Variants in SIGIRR observed in about 807,000 individuals in gnomAD.
The protein encoded by SIGIRR is single Ig and TIR domain containing.
In SIGIRR, 41 loss-of-function variants were observed where a neutral mutation model predicts 45.6. That is an observed-to-expected ratio of 0.90 (90% confidence interval 0.70 to 1.17). The LOEUF (loss-of-function observed/expected upper bound fraction) is 1.17. Among genes scored for constraint, SIGIRR ranks in the 50% most tolerant of loss-of-function variants. SIGIRR has a pLI of 0.00. For synonymous variants in SIGIRR, 298 were observed against 239.0 expected (o/e 1.25, Z -2.28); for missense variants, 599 against 539.6 (o/e 1.11, Z -1.09).
chr11:406,536 A>G lies in SIGIRR; in HGVS notation c.882T>C (p.Thr294=). Residue 294 remains threonine (T), a splice_region_variant and synonymous_variant, in exon 9 of 10, where the codon ACT becomes ACC. Coordinates refer to ENST00000431843, the MANE Select transcript of SIGIRR (RefSeq NM_001135054.2). ...CTTCTTTCCAAAAATCGGAGGAAGG[A>G]GTCTGGGGGCCAGGTCGGGGCGGTT... The part of the protein sequence containing the change: ...TLLLWRPGSV[T]PSSDFWKEVQ... 1 of 1,607,888 alleles carries G rather than the reference A, an allele frequency of 6.2e-7. No individual in the cohort carries two copies. Among genetic ancestry groups the G allele is most frequent in the Non-Finnish European group, 8.5e-7 (1 of 1,176,302 alleles).
chr11:406,103 C>T (rs1183413240), intron 9 of SIGIRR, 44 bp from the exon 10 acceptor site: 1 of 1,544,528 alleles, frequency 6.5e-7, no homozygotes, highest in Admixed American at 2.0e-5. Flanking sequence ...CACCCACAGC[C>T]TTGGCCCAGA....
At chr11:414,417 C>T (rs896089125) in intron 1 of SIGIRR, among the ~76,000 whole-genome samples, 6 of 151,452 alleles carry the variant, frequency 4.0e-5, no homozygotes, top group Admixed American at 3.3e-4. Context: ...CCCTCCTCCC[C>T]TGCACACATC....
upstream of SIGIRR, among the ~76,000 whole-genome samples, chr11:416,595 G>A (rs999557502): frequency 1.3e-5 from 2 of 152,096 alleles, no homozygotes; most frequent in Non-Finnish European, 2.9e-5. This position sits in a 1 kb window ranked among gnomAD's most constrained non-coding sequence, Gnocchi z 9.1. Context: ...CCCCTGCCCG[G>A]TGGGTTCGAC....
At position 408,683 on chromosome 11, in the gene SIGIRR, C is replaced by T. The variant is rs923073303; in HGVS notation, c.206+12G>A. The T allele has an allele frequency of 2.7e-5, 43 of 1,612,066 alleles. No individual in the cohort carries two copies. The highest frequency in any genetic ancestry group is 1.7e-4 in the Middle Eastern group (1 of 5,938). ...AGAGGTCACTCTGACCCTGGATACC[C>T]GGGTCTCTTACCAGGAGTACTCGTG... On this transcript the variant is annotated intron_variant, in intron 3 of 9. Coordinates refer to ENST00000431843, the MANE Select transcript of SIGIRR (RefSeq NM_001135054.2).
In SIGIRR at chr11:406,557, C is replaced by A; in HGVS notation, c.880-19G>T. ...AAGGAGTCTGGGGGCCAGGTCGGGG[C>A]GGTTTGCAGGTGTGAACACCTCGGA... On this transcript the variant is annotated intron_variant, in intron 8 of 9. Coordinates refer to ENST00000431843, the MANE Select transcript of SIGIRR (RefSeq NM_001135054.2). The A allele has an allele frequency of 6.3e-7, 1 of 1,598,264 alleles. No individual in the cohort carries two copies. Among genetic ancestry groups the A allele is most frequent in the South Asian group, 1.1e-5 (1 of 89,288 alleles).
intron 2 of SIGIRR, chr11:409,115 G>T: frequency 1.7e-6 from 1 of 589,230 alleles, no homozygotes. Flanking sequence ...AGGGGACAGA[G>T]AGCAGTGGCC....
In SIGIRR at chr11:406,391, C is replaced by A. The variant is rs1847302183; in HGVS notation, c.1027G>T (p.Ala343Ser). ...TCCGGGTCCACCTCTGAGTCCAGGG[C>A]CCGGCCCTCAGGGACTCGGCCTCGA... is the stretch of plus-strand genomic sequence containing the variant. ...ILRGRVPEGR[A>S]LDSEVDPDPE... is the part of the protein sequence containing the mutation. Residue 343 changes from alanine to serine, a missense_variant, in exon 9 of 10, where the codon GCC becomes TCC. Coordinates refer to ENST00000431843, the MANE Select transcript of SIGIRR (RefSeq NM_001135054.2). 1 of 1,612,674 alleles carries A rather than the reference C, an allele frequency of 6.2e-7. No individual in the cohort carries two copies.
In SIGIRR at chr11:407,525, G is replaced by T. The variant is rs201992147; in HGVS notation, c.525C>A (p.Pro175=). ...YDAYVSYSDC[P]EDRKFVNFIL... ...TGAAGTTCACGAACTTGCGGTCCTC[G>T]GGGCAGTCGCTGTAGGAGACGTAGG... Residue 175 remains proline (P), a synonymous_variant, in exon 6 of 10, where the codon CCC becomes CCA. Coordinates refer to ENST00000431843, the MANE Select transcript of SIGIRR (RefSeq NM_001135054.2). The T allele has an allele frequency of 1.2e-6, 2 of 1,608,906 alleles. No individual in the cohort carries two copies. The highest frequency in any genetic ancestry group is 1.3e-5 in the African/African-American group (1 of 74,926).
Position 406,906 on chromosome 11 carries a change from C to G in SIGIRR, c.816G>C (p.Ala272=), listed in dbSNP as rs1847337313. 1 of 1,590,538 alleles carries G rather than the reference C, an allele frequency of 6.3e-7. No individual in the cohort carries two copies. Among genetic ancestry groups the G allele is most frequent in the Non-Finnish European group, 8.5e-7 (1 of 1,173,776 alleles). The change falls in exon 8 of 10, where the codon GCG becomes GCC. Residue 272 remains alanine, a synonymous_variant. Transcript: ENST00000431843. ...GGCGGTGCTGGCGCAGCAGGCGGAG[C>G]GCCGGGTGCGCGGGGTCGCGCCTCT... ...EGQRRDPAHP[A]LRLLRQHRHL...
Position 407,177 on chromosome 11 carries a change from G to C in SIGIRR, c.626-13C>G. ...TCGGCGGAGGGCTCTGCGGGAGGGC[G>C]GGCGTCGGCGGCGCAGGGGCGGGGG... is the stretch of plus-strand genomic sequence containing the variant. On this transcript the variant is annotated splice_polypyrimidine_tract_variant and intron_variant, in intron 6 of 9. Transcript: ENST00000431843. The C allele has an allele frequency of 2.1e-6, 3 of 1,396,566 alleles. No individual in the cohort carries two copies. The highest frequency in any genetic ancestry group is 3.0e-5 in the East Asian group (1 of 33,332). The allele number at this position is 1,396,566 out of a possible 1,614,324, so 86.5% of individuals were successfully genotyped here. A position where few individuals can be genotyped will look rare whatever the true frequency, so the allele number is the denominator to read the frequency against.
chr11:408,546 C>A, intron 3 of SIGIRR, 149 bp downstream of exon 3: 1 of 955,504 alleles, frequency 1.0e-6, no homozygotes, highest in South Asian at 1.4e-5. Context: ...CTGTCCCTGA[C>A]ATTACTGACC....
chr11:407,551 C>G lies in SIGIRR; in HGVS notation c.499G>C (p.Ala167Pro). 1 of 1,608,316 alleles carries G rather than the reference C, an allele frequency of 6.2e-7. No homozygotes were observed. Among genetic ancestry groups the G allele is most frequent in the Non-Finnish European group, 8.5e-7 (1 of 1,177,534 alleles). The change falls in exon 6 of 10, where the codon GCC becomes CCC. Residue 167 changes from alanine (A) to proline (P), a missense_variant. Physicochemically the swap from Ala to Pro is conservative, Grantham distance 27. Transcript: ENST00000431843. ...GGGCAGTCGCTGTAGGAGACGTAGG[C>G]GTCGTAGAGCTTCCCGTCTGCGGAC... ...VEINDGKLYD[A>P]YVSYSDCPED...
upstream of SIGIRR, among the ~76,000 whole-genome samples, chr11:415,724 G>T (rs546664394): frequency 1.6e-4 from 25 of 152,324 alleles, no homozygotes; most frequent in Admixed American, 4.6e-4. This position sits in a 1 kb window ranked among gnomAD's most constrained non-coding sequence, Gnocchi z 6.6. Flanking sequence ...AGCAAACACA[G>T]GTGGCCGAGG....
chr11:407,429 G>C lies in SIGIRR; in HGVS notation c.621C>G (p.Arg207=). 1 of 1,545,966 alleles carries C rather than the reference G, an allele frequency of 6.5e-7. No homozygotes were observed. Among genetic ancestry groups the C allele is most frequent in the Non-Finnish European group, 8.7e-7 (1 of 1,145,104 alleles). Residue 207 remains arginine (R), a synonymous_variant, in exon 6 of 10, where the codon CGC becomes CGG. Coordinates refer to ENST00000431843, the MANE Select transcript of SIGIRR (RefSeq NM_001135054.2). ...LFLDDRDLLP[R]AEPSADLLVN... is the part of the protein sequence containing the mutation. ...ACGGGGTGGGGCCCGGGATACCAGCGCGCGGCAGGAGGTCGCGGTCGTCCA... is the reference window on the plus strand; with the variant it reads ...ACGGGGTGGGGCCCGGGATACCAGCCCGCGGCAGGAGGTCGCGGTCGTCCA...
In SIGIRR at chr11:408,744, C is replaced by G. The variant is rs369156823; in HGVS notation, c.157G>C (p.Gly53Arg). ...TGGCCCCCAATTCCCAATGGAAGCC[C>G]GTCTTTCAGCCACTGGACTGAAGGC... ...SLPSVQWLKD[G>R]LPLGIGGHYS... The change falls in exon 3 of 10, where the codon GGG becomes CGG. Residue 53 changes from glycine to arginine, a missense_variant. Transcript: ENST00000431843. 1.2e-6 allele frequency: 2 copies of G among 1,612,634 alleles called. No homozygotes were observed. Among genetic ancestry groups the G allele is most frequent in the Non-Finnish European group, 1.7e-6 (2 of 1,179,978 alleles).
chr11:409,692 C>T (rs1847500904), intron 2 of SIGIRR, 176 bp downstream of exon 2: 1 of 588,822 alleles, frequency 1.7e-6, no homozygotes, highest in South Asian at 4.8e-5. Context: ...CCTCACCACT[C>T]GCCCTGGTTT....
In SIGIRR at chr11:406,336, TG is replaced by T. The variant is rs754385954; in HGVS notation, c.1069+12del. The T allele has an allele frequency of 1.9e-6, 3 of 1,611,452 alleles. No individual in the cohort carries two copies. The highest frequency in any genetic ancestry group is 2.5e-6 in the Non-Finnish European group (3 of 1,179,368). ...AGCTTCTCCAGTTGGGGAGTGGGGC[TG>T]GGCGGGCATACCCAGGTCGCCCTCA... is the stretch of plus-strand genomic sequence containing the variant. On this transcript the variant is annotated intron_variant, in intron 9 of 9. Coordinates refer to ENST00000431843, the MANE Select transcript of SIGIRR (RefSeq NM_001135054.2).
In SIGIRR at chr11:407,122, CGTCGGCAGCGGCTCAGGTTCACCAAGAG is replaced by C; in HGVS notation, c.640_667del (p.Leu214AlafsTer11). 1 of 1,559,358 alleles carries C rather than the reference CGTCGGCAGCGGCTCAGGTTCACCAAGAG, an allele frequency of 6.4e-7. No individual in the cohort carries two copies. The highest frequency in any genetic ancestry group is 1.8e-5 in the Admixed American group (1 of 55,056). ...GGCGTCCGAAAGCACCACGATGAGGCGTCGGCAGCGGCTCAGGTTCACCAAGAGGTCGGCGGAGGGCTCTGCGGGAGGG... is the reference window on the plus strand; with the variant it reads ...GGCGTCCGAAAGCACCACGATGAGGCGTCGGCGGAGGGCTCTGCGGGAGGG... On this transcript the variant is annotated frameshift_variant, in exon 7 of 10. Transcript: ENST00000431843. LOFTEE classifies it high-confidence loss of function.
In SIGIRR at chr11:408,176, C is replaced by G; in HGVS notation, c.237G>C (p.Val79=). The G allele has an allele frequency of 1.9e-6, 3 of 1,612,738 alleles. No homozygotes were observed. In the South Asian group the frequency reaches 3.3e-5, roughly 18 times the overall value. ...TCACGTTGACCCCCAGGACACTGGA[C>G]ACAAGCACCTCTGACAGGTTGGCCT... is the stretch of plus-strand genomic sequence containing the variant. ...WVKANLSEVL[V]SSVLGVNVTS... The change falls in exon 4 of 10, where the codon GTG becomes GTC. Residue 79 remains valine (V), a synonymous_variant. Coordinates refer to ENST00000431843, the MANE Select transcript of SIGIRR (RefSeq NM_001135054.2).
Sources: gnomAD v4.1 joint callset for allele counts (sites outside exome capture counted in the v4.1 genomes callset) on GRCh38, gnomAD v4.1.1 for gene constraint, Gnocchi (gnomAD v3.1) non-coding constraint, MANE v1.5 for transcripts, NCBI Gene and HGNC (gene_info 2026-07-23, HGNC 2026-07-21) for gene names.